The following DYNC1I1 variants were observed in gnomAD, a reference collection of about 807,000 sequenced individuals.
The protein encoded by DYNC1I1 is dynein cytoplasmic 1 intermediate chain 1, also known as cytoplasmic dynein 1 intermediate chain 1.
DYNC1I1 carries 43 observed loss-of-function variants against 86.6 expected under a neutral mutation model. The ratio of observed to expected loss-of-function variants is 0.50; its 90% confidence interval spans 0.39 to 0.64. The LOEUF is 0.64. DYNC1I1 is among the 30% of genes least tolerant of loss of function. The pLI, the probability that DYNC1I1 is intolerant of heterozygous loss-of-function variation, is 0.00. For synonymous variants in DYNC1I1, 262 were observed against 283.7 expected (o/e 0.92, Z 0.77); for missense variants, 604 against 788.8 (o/e 0.77, Z 2.81).
intron 8 of DYNC1I1, among the ~76,000 whole-genome samples, chr7:95,986,157 G>A (rs1030177475): frequency 4.0e-5 from 6 of 151,852 alleles, no homozygotes; most frequent in East Asian, 2.0e-4. Context: ...ATAACTTGTT[G>A]GAAGCCAGGT....
At chr7:95,791,279 C>T (rs1282176550) in intron 1 of DYNC1I1, among the ~76,000 whole-genome samples, 12 of 152,194 alleles carry the variant, frequency 7.9e-5, no homozygotes, top group Admixed American at 7.9e-4. Context: ...TGCCTGCATC[C>T]TCTATCGAGA....
intron 16 of DYNC1I1, among the ~76,000 whole-genome samples, chr7:96,103,928 T>C (rs954466431): frequency 3.9e-5 from 6 of 152,194 alleles, no homozygotes; most frequent in African/African-American, 1.4e-4. Context: ...TGGATTTTAA[T>C]GACTCCACAA....
At chr7:95,880,478 G>A (rs191216062) in intron 6 of DYNC1I1, among the ~76,000 whole-genome samples, 12 of 152,128 alleles carry the variant, frequency 7.9e-5, no homozygotes, top group African/African-American at 2.7e-4. Flanking sequence ...GGGGTTACAA[G>A]TTACTTTCTT....
chr7:95,789,724 T>C (rs1232034488), intron 1 of DYNC1I1, among the ~76,000 whole-genome samples: 1 of 152,178 alleles, frequency 6.6e-6, no homozygotes, highest in Non-Finnish European at 1.5e-5. Context: ...CATCATGATC[T>C]GTGGGTGTCA....
chr7:95,926,710 A>G (rs1791755986), intron 6 of DYNC1I1, among the ~76,000 whole-genome samples: 1 of 152,166 alleles, frequency 6.6e-6, no homozygotes. Flanking sequence ...GATAAGACAC[A>G]AGTGAGGGAT....
chr7:95,832,436 C>A (rs1172298528), intron 5 of DYNC1I1, among the ~76,000 whole-genome samples: 2 of 151,784 alleles, frequency 1.3e-5, no homozygotes, highest in Non-Finnish European at 2.9e-5. Context: ...CATACGTGTG[C>A]ATGTGTCTTT....
At chr7:95,889,769 A>G (rs111339534) in intron 6 of DYNC1I1, among the ~76,000 whole-genome samples, 3,709 of 152,312 alleles carry the variant, frequency 0.024, 128 homozygotes, top group African/African-American at 0.076. Context: ...ACACCCCATT[A>G]AAAAGTAGGC....
chr7:95,803,040 C>T (rs1470277355), intron 1 of DYNC1I1, among the ~76,000 whole-genome samples: 1 of 152,222 alleles, frequency 6.6e-6, no homozygotes, highest in Non-Finnish European at 1.5e-5. Context: ...AACTTGTACA[C>T]TGGGTATCAC....
At chr7:96,074,281 G>A (rs1366514739) in intron 14 of DYNC1I1, among the ~76,000 whole-genome samples, 1 of 152,122 alleles carries the variant, frequency 6.6e-6, no homozygotes, top group Non-Finnish European at 1.5e-5. Flanking sequence ...CGGGCGCGGT[G>A]GCTCACGCCT....
chr7:95,814,224 G>A (rs773857787), intron 4 of DYNC1I1, among the ~76,000 whole-genome samples: 1 of 152,106 alleles, frequency 6.6e-6, no homozygotes, highest in Non-Finnish European at 1.5e-5. Flanking sequence ...TTCTTGAGAA[G>A]CTACAAATTC....
chr7:96,076,660 A>G (rs1421178973), intron 15 of DYNC1I1, among the ~76,000 whole-genome samples: 1 of 152,194 alleles, frequency 6.6e-6, no homozygotes, highest in Admixed American at 6.5e-5. Flanking sequence ...TCTGTTGACT[A>G]TTTTATGTTT....
chr7:95,882,911 C>A (rs555413924), intron 6 of DYNC1I1, among the ~76,000 whole-genome samples: 1 of 152,096 alleles, frequency 6.6e-6, no homozygotes, highest in South Asian at 2.1e-4. Flanking sequence ...TCATCTGAAG[C>A]CTATTTGTAC....
At chr7:95,804,973 C>T (rs1794670068) in intron 2 of DYNC1I1, 136 bp downstream of exon 2, 11 of 1,385,246 alleles carry the variant, frequency 7.9e-6, no homozygotes, top group Non-Finnish European at 9.4e-6. Flanking sequence ...TCTTCCTATT[C>T]TGCATGGTAA....
intron 6 of DYNC1I1, among the ~76,000 whole-genome samples, chr7:95,941,582 C>G (rs1201236475): frequency 6.6e-6 from 1 of 152,218 alleles, no homozygotes; most frequent in African/African-American, 2.4e-5. Flanking sequence ...CAGTGAGATT[C>G]CATGGGCATA....
intron 5 of DYNC1I1, among the ~76,000 whole-genome samples, chr7:95,832,205 G>A: frequency 8.7e-6 from 1 of 115,260 alleles, no homozygotes; most frequent in Non-Finnish European, 1.7e-5. Context: ...ACCTATGAGT[G>A]AGAATATGTG....
At chr7:96,063,107 A>ATGTGTGTGTG (rs983610560) in intron 14 of DYNC1I1, among the ~76,000 whole-genome samples, 3 of 129,100 alleles carry the variant, frequency 2.3e-5, no homozygotes, top group Admixed American at 7.4e-5. Context: ...GTGTATATAT[A>ATGTGTGTGTG]TGTGTGTGTG....
At chr7:95,969,592 A>G (rs1793112183) in intron 6 of DYNC1I1, among the ~76,000 whole-genome samples, 1 of 152,172 alleles carries the variant, frequency 6.6e-6, no homozygotes, top group Non-Finnish European at 1.5e-5. Flanking sequence ...ACTGATCCAC[A>G]TCAACTCAAT....
chr7:96,026,295 T>TTGGCTGAACAGATACTCTGTTAGAAACA (rs1562976336), intron 10 of DYNC1I1, among the ~76,000 whole-genome samples: 2 of 152,182 alleles, frequency 1.3e-5, no homozygotes, highest in Non-Finnish European at 2.9e-5. Context: ...TCAGAGTATC[T>TTGGCTGAACAGATACTCTGTTAGAAACA]GAGGCTGTTT....
chr7:95,988,147 C>T (rs1793642871), intron 9 of DYNC1I1, among the ~76,000 whole-genome samples: 1 of 152,138 alleles, frequency 6.6e-6, no homozygotes, highest in Non-Finnish European at 1.5e-5. Flanking sequence ...GAGGCCAAGG[C>T]GGGTGGATCG....
Sources: gnomAD v4.1 joint callset for allele counts (sites outside exome capture counted in the v4.1 genomes callset) on GRCh38, gnomAD v4.1.1 for gene constraint, MANE v1.5 for transcripts, NCBI Gene and HGNC (gene_info 2026-07-23, HGNC 2026-07-21) for gene names.